The following EFEMP1 variants were observed in gnomAD, a reference collection of about 807,000 sequenced individuals.
EFEMP1 encodes EGF-containing fibulin-like extracellular matrix protein 1.
Under a neutral mutation model 65.7 loss-of-function variants are expected in EFEMP1, and 18 were observed. The observed-to-expected ratio is 0.27, with a 90% confidence interval of 0.19 to 0.41. The LOEUF (loss-of-function observed/expected upper bound fraction) is 0.41. EFEMP1 is among the 10% of genes least tolerant of loss of function. EFEMP1 has a pLI of 1.00. For synonymous variants in EFEMP1, 237 were observed against 219.7 expected, an observed-to-expected ratio of 1.08 and a Z score of -0.70; for missense variants, 469 against 624.8, an observed-to-expected ratio of 0.75 and a Z score of 2.66.
rs58841515 is a variant in EFEMP1 at position 55,873,066 on chromosome 2, CCACA to C, written c.1000+1876_1000+1879del. Among the ~76,000 whole-genome samples the C allele has an allele frequency of 0.019, 2,826 of 145,380 alleles. 84 individuals are homozygous for C. The highest frequency in any genetic ancestry group is 0.057 in the African/African-American group (2,256 of 39,376). On this transcript the variant is annotated intron_variant, in intron 9 of 11. Transcript: ENST00000355426. This position sits in a 1 kb window ranked among gnomAD's most constrained non-coding sequence, Gnocchi z 4.6. Reference sequence around the variant, plus strand: ...TTCTTTTGTCTCTCTGTCTCTCTCTCCACACACACACACACACACACACACACAC... The same window carrying C: ...TTCTTTTGTCTCTCTGTCTCTCTCTCCACACACACACACACACACACACAC...
rs1365656296 is a variant in EFEMP1, at chr2:55,921,479, C to T, written c.81+881G>A. On this transcript the variant is annotated intron_variant, in intron 3 of 11. Coordinates refer to ENST00000355426, the MANE Select transcript of EFEMP1 (RefSeq NM_001039348.3). This position sits in a 1 kb window ranked among gnomAD's most constrained non-coding sequence, Gnocchi z 4.1. ...TCGAGTAGGATTACTTAATTTTAAA[C>T]TGGGAGCAGTAGAAAAATGTGCTTT... 6.6e-6 allele frequency among the ~76,000 whole-genome samples: 1 copy of T among 152,110 alleles called. No individual in the cohort carries two copies. The highest frequency in any genetic ancestry group is 1.5e-5 in the Non-Finnish European group (1 of 68,022).
At chr2:55,895,568 G>T (rs1286893793) in intron 5 of EFEMP1, among the ~76,000 whole-genome samples, 3 of 149,822 alleles carry the variant, frequency 2.0e-5, no homozygotes, top group Non-Finnish European at 4.4e-5. Context: ...TTTTGAGACG[G>T]AGTCTCGCTG....
In EFEMP1 at chr2:55,870,789, A is replaced by G; in HGVS notation, c.1251T>C (p.Thr417=). 1 of 1,613,888 alleles carries G rather than the reference A, an allele frequency of 6.2e-7. No individual in the cohort carries two copies. The highest frequency in any genetic ancestry group is 1.1e-5 in the South Asian group (1 of 91,068). The change falls in exon 11 of 12, where the codon ACT becomes ACC. Residue 417 remains threonine, a synonymous_variant. Transcript: ENST00000355426. This position sits in a 1 kb window ranked among gnomAD's most constrained non-coding sequence, Gnocchi z 5.8. ...AAGTATTGATGGTGTTGGCATAAATAGTTGTGGCCTGTATCTGGAAGATGT... is the reference window on the plus strand; with the variant it reads ...AAGTATTGATGGTGTTGGCATAAATGGTTGTGGCCTGTATCTGGAAGATGT... ...PSDIFQIQAT[T]IYANTINTFR...
intron 5 of EFEMP1, among the ~76,000 whole-genome samples, chr2:55,891,698 A>T (rs191544072): frequency 2.6e-5 from 4 of 152,186 alleles, no homozygotes; most frequent in Non-Finnish European, 5.9e-5. Context: ...CTCTTCCTTG[A>T]GCAGGAAAAC....
At position 55,923,310 on chromosome 2, in the gene EFEMP1, G is replaced by T. The variant is rs558108996; in HGVS notation, c.-48-371C>A. Reference sequence around the variant, plus strand: ...GGGCGGCCTGGCCCGGCAGGGAGATGAGGTCCCCTTTCTTAACAGCAAGCT... The same window carrying T: ...GGGCGGCCTGGCCCGGCAGGGAGATTAGGTCCCCTTTCTTAACAGCAAGCT... On this transcript the variant is annotated intron_variant, in intron 1 of 11. Coordinates refer to ENST00000355426, the MANE Select transcript of EFEMP1 (RefSeq NM_001039348.3). The surrounding 1 kb of genome is among the most constrained non-coding windows in gnomAD (Gnocchi z 5.3). Among the ~76,000 whole-genome samples the T allele has an allele frequency of 2.4e-4, 37 of 152,312 alleles. No individual in the cohort carries two copies. The highest frequency in any genetic ancestry group is 1.1e-3 in the Admixed American group (17 of 15,304).
chr2:55,906,750 G>C (rs1174561835), intron 5 of EFEMP1, among the ~76,000 whole-genome samples: 2 of 152,172 alleles, frequency 1.3e-5, no homozygotes, highest in African/African-American at 2.4e-5. Flanking sequence ...ACCAAAGTCT[G>C]AAGAATGAAA....
intron 5 of EFEMP1, among the ~76,000 whole-genome samples, chr2:55,899,391 T>C (rs961723501): frequency 6.6e-6 from 1 of 152,228 alleles, no homozygotes; most frequent in Non-Finnish European, 1.5e-5. Context: ...ATTGAATGCA[T>C]TGATGCATGA....
chr2:55,923,657 C>T lies in EFEMP1; in HGVS notation c.-49+54G>A, dbSNP rs1236090585. 2.2e-5 allele frequency: 22 copies of T among 985,604 alleles called. No individual in the cohort carries two copies. The highest frequency in any genetic ancestry group is 6.1e-5 in the Admixed American group (1 of 16,276). The allele number at this position is 985,604 out of a possible 1,614,324, so 61.1% of individuals were successfully genotyped here. ...TCACCCCACCTCACTCTCCCGCGCG[C>T]GGCCCAGTGAGTACTGGGCTCGCTC... On this transcript the variant is annotated intron_variant, in intron 1 of 11. Transcript: ENST00000355426. The surrounding 1 kb of genome is among the most constrained non-coding windows in gnomAD (Gnocchi z 5.3).
intron 5 of EFEMP1, among the ~76,000 whole-genome samples, chr2:55,907,812 A>G (rs915817721): frequency 6.6e-6 from 1 of 152,230 alleles, no homozygotes; most frequent in African/African-American, 2.4e-5. Context: ...CTTGCAACAC[A>G]CAAGGCTGTT....
At position 55,918,044 on chromosome 2, in the gene EFEMP1, A is replaced by G. The variant is rs138017183; in HGVS notation, c.138T>C (p.Asp46=). 1.2e-6 allele frequency: 2 copies of G among 1,614,242 alleles called. No individual in the cohort carries two copies. Among genetic ancestry groups the G allele is most frequent in the African/African-American group, 1.3e-5 (1 of 75,064 alleles). The change falls in exon 5 of 12, where the codon GAT becomes GAC. Residue 46 remains aspartate, a synonymous_variant. Coordinates refer to ENST00000355426, the MANE Select transcript of EFEMP1 (RefSeq NM_001039348.3). The part of the protein sequence containing the change: ...DPVRQQCKDI[D]ECDIVPDACK... ...AAGCGTCTGGGACAATGTCACATTC[A>G]TCAATATCTGTGGTCAGTAATAAAA... is the stretch of plus-strand genomic sequence containing the variant.
intron 5 of EFEMP1, among the ~76,000 whole-genome samples, chr2:55,913,563 G>A (rs1328361745): frequency 6.6e-6 from 1 of 151,278 alleles, no homozygotes; most frequent in African/African-American, 2.4e-5. Context: ...TCTTCAATTA[G>A]GGCAATCAAT....
At chr2:55,915,627 GT>G (rs936834309) in intron 5 of EFEMP1, among the ~76,000 whole-genome samples, 2 of 150,464 alleles carry the variant, frequency 1.3e-5, no homozygotes, top group South Asian at 2.1e-4. Flanking sequence ...CATTTATCTG[GT>G]TTTTTTTTCT....
chr2:55,889,055 G>GATTT (rs1394226831), intron 5 of EFEMP1, among the ~76,000 whole-genome samples: 1 of 151,134 alleles, frequency 6.6e-6, no homozygotes, highest in Admixed American at 6.6e-5. Flanking sequence ...TGAGCACTGT[G>GATTT]ATTTGATTCT....
chr2:55,907,546 G>A (rs1219031194), intron 5 of EFEMP1, among the ~76,000 whole-genome samples: 2 of 152,120 alleles, frequency 1.3e-5, no homozygotes, highest in Non-Finnish European at 2.9e-5. Flanking sequence ...AGAAAATATT[G>A]GGATATATAA....
chr2:55,894,358 T>A (rs143127762), intron 5 of EFEMP1, among the ~76,000 whole-genome samples: 2 of 152,172 alleles, frequency 1.3e-5, no homozygotes, highest in African/African-American at 4.8e-5. Flanking sequence ...ATCAGAACTA[T>A]GAAAAAACAG....
chr2:55,896,746 A>G (rs1180495003), intron 5 of EFEMP1, among the ~76,000 whole-genome samples: 1 of 152,234 alleles, frequency 6.6e-6, no homozygotes, highest in Non-Finnish European at 1.5e-5. Flanking sequence ...TTGTGAGCAA[A>G]GAGGGCACAT....
chr2:55,875,152 T>A, intron 8 of EFEMP1, 87 bp from the exon 9 acceptor site: 1 of 493,816 alleles, frequency 2.0e-6, no homozygotes, highest in Non-Finnish European at 2.9e-6. Context: ...AAATTATATA[T>A]ATATATAAAT....
intron 5 of EFEMP1, among the ~76,000 whole-genome samples, chr2:55,915,788 T>G (rs774678896): frequency 3.6e-4 from 55 of 152,318 alleles, no homozygotes; most frequent in Middle Eastern, 3.4e-3. Context: ...ATAACACAAT[T>G]AAAAGTTGGT....
chr2:55,883,204 C>G lies in EFEMP1; in HGVS notation c.518-1470G>C, dbSNP rs183724254. 4.9e-3 allele frequency among the ~76,000 whole-genome samples: 752 copies of G among 152,154 alleles called. 5 individuals carry two copies. The highest frequency in any genetic ancestry group is 0.017 in the African/African-American group (717 of 41,520). ...CTATAAAGCATCCACTTACGTAATT[C>G]TTTGAACTTGGTTTTAAAGTTTTGG... On this transcript the variant is annotated intron_variant, in intron 5 of 11. Transcript: ENST00000355426. The surrounding 1 kb of genome is among the most constrained non-coding windows in gnomAD (Gnocchi z 4.5).
Sources: gnomAD v4.1 joint callset for allele counts (sites outside exome capture counted in the v4.1 genomes callset) on GRCh38, gnomAD v4.1.1 for gene constraint, Gnocchi (gnomAD v3.1) non-coding constraint, MANE v1.5 for transcripts, NCBI Gene and HGNC (gene_info 2026-07-23, HGNC 2026-07-21) for gene names.